The following PSMD14 variants were observed in gnomAD, a reference collection of about 807,000 sequenced individuals.
PSMD14 encodes proteasome 26S subunit, non-ATPase 14.
In PSMD14, 7 loss-of-function variants were observed where a neutral mutation model predicts 41.2. The observed-to-expected ratio is 0.17, with a 90% CI of 0.10 to 0.32. The LOEUF is 0.32. Ranked by LOEUF, PSMD14 falls within the 10% of genes least tolerant of loss-of-function variation. The pLI is 1.00. For missense variants in PSMD14, 139 were observed against 375.6 expected (o/e 0.37, Z 5.21); for synonymous variants, 114 against 122.3 (o/e 0.93, Z 0.45).
chr2:161,359,652 GAGC>G (rs1291344720), intron 3 of PSMD14, among the ~76,000 whole-genome samples: 1 of 152,108 alleles, frequency 6.6e-6, no homozygotes, highest in Non-Finnish European at 1.5e-5. Context: ...TGTTCTCAGT[GAGC>G]ATACTAACTA....
intron 3 of PSMD14, among the ~76,000 whole-genome samples, chr2:161,354,158 T>G (rs548079635): frequency 9.1e-4 from 138 of 152,244 alleles, no homozygotes; most frequent in Non-Finnish European, 1.7e-3. Flanking sequence ...CTCTTTCCAG[T>G]TATGTTTTTG....
At chr2:161,311,250 A>G (rs1689083788) in intron 1 of PSMD14, among the ~76,000 whole-genome samples, 1 of 152,188 alleles carries the variant, frequency 6.6e-6, no homozygotes, top group South Asian at 2.1e-4. Flanking sequence ...CAGAGGTTTC[A>G]GTGAGCTGAG....
intron 7 of PSMD14, chr2:161,382,791 AC>A (rs1353906121): frequency 1.3e-5 from 2 of 151,804 alleles, no homozygotes; most frequent in Non-Finnish European, 2.9e-5. Flanking sequence ...TATAAACTGA[AC>A]TAATTTAATG....
At chr2:161,390,753 C>T (rs1337148923) in intron 8 of PSMD14, among the ~76,000 whole-genome samples, 1 of 151,986 alleles carries the variant, frequency 6.6e-6, no homozygotes, top group African/African-American at 2.4e-5. Context: ...ATTTGAAATA[C>T]CCATGAGCCC....
At chr2:161,364,959 C>T (rs1054148137) in intron 3 of PSMD14, among the ~76,000 whole-genome samples, 2 of 152,010 alleles carry the variant, frequency 1.3e-5, no homozygotes, top group African/African-American at 4.8e-5. Flanking sequence ...AAAAAATCAG[C>T]CTGGCGTGGT....
chr2:161,342,521 T>C (rs1222980659), intron 3 of PSMD14, among the ~76,000 whole-genome samples: 1 of 152,184 alleles, frequency 6.6e-6, no homozygotes, highest in Non-Finnish European at 1.5e-5. Flanking sequence ...TAATGTGGTA[T>C]ATCTTTTACT....
chr2:161,310,803 A>G (rs1302505113), intron 1 of PSMD14, among the ~76,000 whole-genome samples: 2 of 152,088 alleles, frequency 1.3e-5, no homozygotes, highest in East Asian at 1.9e-4. Context: ...ATTGAGGTCA[A>G]CTGGTTCAAG....
intron 7 of PSMD14, among the ~76,000 whole-genome samples, chr2:161,381,067 T>A (rs1683564859): frequency 6.6e-6 from 1 of 151,920 alleles, no homozygotes; most frequent in South Asian, 2.1e-4. Flanking sequence ...TGGTTTTATG[T>A]TTTAAAATAT....
At chr2:161,328,870 G>T (rs1009399652) in intron 3 of PSMD14, among the ~76,000 whole-genome samples, 67 of 151,872 alleles carry the variant, frequency 4.4e-4, no homozygotes, top group African/African-American at 1.6e-3. Flanking sequence ...TAAAGCAAAA[G>T]AACAAGTCAT....
intron 3 of PSMD14, among the ~76,000 whole-genome samples, chr2:161,320,705 T>A (rs1209139781): frequency 6.6e-6 from 1 of 151,974 alleles, no homozygotes. Context: ...CTAATAAGAA[T>A]GTTGTTTATT....
intron 1 of PSMD14, among the ~76,000 whole-genome samples, chr2:161,313,641 C>T (rs576806955): frequency 2.6e-5 from 4 of 152,360 alleles, no homozygotes; most frequent in Non-Finnish European, 4.4e-5. Context: ...TGAGCCACCA[C>T]GCCCAGCCTA....
intron 3 of PSMD14, among the ~76,000 whole-genome samples, chr2:161,354,280 C>A (rs189515553): frequency 6.1e-4 from 93 of 152,264 alleles, no homozygotes; most frequent in African/African-American, 2.2e-3. Context: ...CAGAGTCTCA[C>A]TCTTGCCCAG....
intron 8 of PSMD14, among the ~76,000 whole-genome samples, chr2:161,386,087 T>G (rs1286926303): frequency 2.0e-5 from 3 of 151,856 alleles, no homozygotes; most frequent in Middle Eastern, 3.2e-3. Flanking sequence ...GTTTATGTCT[T>G]GTTTTTTATT....
intron 8 of PSMD14, among the ~76,000 whole-genome samples, chr2:161,389,889 G>GTTGTTTTTCTTTTTT: frequency 5.0e-5 from 1 of 20,042 alleles, no homozygotes; most frequent in Non-Finnish European, 1.0e-4. Flanking sequence ...CTTTTTTGTT[G>GTTGTTTTTCTTTTTT]TTTTTTTTTT....
At chr2:161,394,480 C>T (rs1683763948) in intron 9 of PSMD14, among the ~76,000 whole-genome samples, 1 of 152,096 alleles carries the variant, frequency 6.6e-6, no homozygotes, top group Non-Finnish European at 1.5e-5. Context: ...GCATTTATCT[C>T]GTTATCTTGG....
chr2:161,405,346 T>G (rs1261267511), intron 10 of PSMD14, among the ~76,000 whole-genome samples: 1 of 152,198 alleles, frequency 6.6e-6, no homozygotes, highest in Non-Finnish European at 1.5e-5. Context: ...TTAACCCCTA[T>G]GTCCCCATCG....
intron 3 of PSMD14, among the ~76,000 whole-genome samples, chr2:161,323,429 C>T (rs570926386): frequency 6.6e-6 from 1 of 152,042 alleles, no homozygotes; most frequent in South Asian, 2.1e-4. Context: ...TTTGGGAGAC[C>T]GAGGGGGCAG....
At chr2:161,343,357 A>G (rs1682994713) in intron 3 of PSMD14, among the ~76,000 whole-genome samples, 1 of 152,244 alleles carries the variant, frequency 6.6e-6, no homozygotes, top group Non-Finnish European at 1.5e-5. Flanking sequence ...AATGTCATTA[A>G]GGTTCATCCA....
intron 3 of PSMD14, chr2:161,341,375 G>T: frequency 1.1e-6 from 1 of 900,120 alleles, no homozygotes; most frequent in East Asian, 1.0e-4. Context: ...GAGGGATCCC[G>T]CCGCGCCCCG....
Sources: gnomAD v4.1 joint callset for allele counts (sites outside exome capture counted in the v4.1 genomes callset) on GRCh38, gnomAD v4.1.1 for gene constraint, MANE v1.5 for transcripts, NCBI Gene and HGNC (gene_info 2026-07-23, HGNC 2026-07-21) for gene names.